Variants in THSD4 observed in about 807,000 individuals in gnomAD.
The protein encoded by THSD4 is thrombospondin type-1 domain-containing protein 4.
A neutral mutation model predicts 119.0 loss-of-function variants in THSD4; 69 were observed. The observed-to-expected ratio is 0.58, with a 90% CI of 0.48 to 0.71. The LOEUF (loss-of-function observed/expected upper bound fraction) is 0.71. Ranked by LOEUF, THSD4 falls within the 30% of genes least tolerant of loss-of-function variation. The probability of loss-of-function intolerance (pLI) is 0.00; values close to 1 mark genes in which losing one functional copy is unlikely to be tolerated. For synonymous variants in THSD4, 524 were observed against 540.4 expected (o/e 0.97, Z 0.42); for missense variants, 1,393 against 1,391.1 (o/e 1.00, Z -0.02).
chr15:71,248,544 T>G (rs947626749), intron 5 of THSD4, among the ~76,000 whole-genome samples: 1 of 152,042 alleles, frequency 6.6e-6, no homozygotes, highest in Non-Finnish European at 1.5e-5. Context: ...TTAGACAGAG[T>G]GCACTTAACA....
intron 6 of THSD4, among the ~76,000 whole-genome samples, chr15:71,259,934 A>G (rs994249678): frequency 1.3e-5 from 2 of 152,194 alleles, no homozygotes. Context: ...GCTGTGGATA[A>G]TAGCTGCTTT....
intron 8 of THSD4, among the ~76,000 whole-genome samples, chr15:71,709,953 A>G (rs1351298450): frequency 2.6e-5 from 4 of 152,200 alleles, no homozygotes; most frequent in Non-Finnish European, 4.4e-5. Context: ...AGGACTAGTC[A>G]AGACGGGGTG....
At chr15:71,301,855 A>G (rs2140338392) in intron 6 of THSD4, among the ~76,000 whole-genome samples, 1 of 152,260 alleles carries the variant, frequency 6.6e-6, no homozygotes, top group Admixed American at 6.5e-5. Flanking sequence ...TAGGGAGCAG[A>G]GGAAGCATCA....
At chr15:71,629,260 GACAACT>G (rs2050570030) in intron 7 of THSD4, among the ~76,000 whole-genome samples, 2 of 152,152 alleles carry the variant, frequency 1.3e-5, no homozygotes, top group Non-Finnish European at 1.5e-5. Flanking sequence ...GCTGAAGCTG[GACAACT>G]GACAGCCTTC....
At chr15:71,347,857 G>C (rs1357449505) in intron 6 of THSD4, among the ~76,000 whole-genome samples, 1 of 152,106 alleles carries the variant, frequency 6.6e-6, no homozygotes, top group African/African-American at 2.4e-5. Context: ...TAATTTTTCA[G>C]TGTTCAGATG....
intron 7 of THSD4, among the ~76,000 whole-genome samples, chr15:71,543,864 C>T (rs1001673152): frequency 6.6e-6 from 1 of 152,024 alleles, no homozygotes; most frequent in Non-Finnish European, 1.5e-5. Context: ...CCTGTCTCTA[C>T]TAAAAAATAC....
chr15:71,432,599 G>T (rs780031956), intron 7 of THSD4, among the ~76,000 whole-genome samples: 4 of 146,106 alleles, frequency 2.7e-5, no homozygotes, highest in African/African-American at 1.0e-4. Flanking sequence ...AATCTTGCTT[G>T]CAAGAGACAA....
chr15:71,126,994 A>G (rs983106934), intron 1 of THSD4, among the ~76,000 whole-genome samples: 3 of 152,202 alleles, frequency 2.0e-5, no homozygotes, highest in Non-Finnish European at 1.5e-5. Context: ...ACTGCTATTA[A>G]CTATTTTCAC....
intron 7 of THSD4, among the ~76,000 whole-genome samples, chr15:71,438,955 A>G (rs2047052440): frequency 2.0e-5 from 3 of 152,226 alleles, no homozygotes; most frequent in African/African-American, 7.2e-5. Context: ...TTGGAGCAGA[A>G]TGGCAGGAGT....
intron 7 of THSD4, among the ~76,000 whole-genome samples, chr15:71,519,508 C>T (rs1373365856): frequency 6.6e-6 from 1 of 152,034 alleles, no homozygotes; most frequent in Non-Finnish European, 1.5e-5. Flanking sequence ...ATTACAGGTG[C>T]CCACCACCAC....
intron 5 of THSD4, among the ~76,000 whole-genome samples, chr15:71,251,920 C>T (rs1451474332): frequency 1.3e-5 from 2 of 152,166 alleles, no homozygotes; most frequent in Non-Finnish European, 2.9e-5. Flanking sequence ...TTGGATAGGG[C>T]TCATATTGCT....
At chr15:71,148,512 T>G (rs559332116) in intron 2 of THSD4, among the ~76,000 whole-genome samples, 4 of 139,564 alleles carry the variant, frequency 2.9e-5, no homozygotes. Flanking sequence ...ATAAATAGAA[T>G]GCATTTTTTT....
At chr15:71,102,841 C>T (rs1399524366) in intron 1 of THSD4, among the ~76,000 whole-genome samples, 1 of 152,212 alleles carries the variant, frequency 6.6e-6, no homozygotes, top group Non-Finnish European at 1.5e-5. Flanking sequence ...GCTGGGATTA[C>T]AGGTGTGAGC....
At chr15:71,724,387 G>A (rs578052550) in intron 8 of THSD4, among the ~76,000 whole-genome samples, 3 of 150,310 alleles carry the variant, frequency 2.0e-5, no homozygotes, top group South Asian at 2.1e-4. Flanking sequence ...CTGGGTTCAC[G>A]CCATTCTCCT....
intron 6 of THSD4, among the ~76,000 whole-genome samples, chr15:71,323,804 A>G (rs2045305665): frequency 6.6e-6 from 1 of 152,246 alleles, no homozygotes; most frequent in Non-Finnish European, 1.5e-5. Flanking sequence ...TAGAGAATGC[A>G]GATAAGCAAG....
chr15:71,606,117 A>G (rs1223512185), intron 7 of THSD4, among the ~76,000 whole-genome samples: 1 of 152,248 alleles, frequency 6.6e-6, no homozygotes, highest in Non-Finnish European at 1.5e-5. Context: ...AAATGTCTTC[A>G]TGTAGTGAGG....
chr15:71,372,214 A>G (rs1366855963), intron 6 of THSD4, among the ~76,000 whole-genome samples: 1 of 152,092 alleles, frequency 6.6e-6, no homozygotes, highest in Non-Finnish European at 1.5e-5. Context: ...CTTCTTTGTA[A>G]TGGGTTCGAA....
At chr15:71,410,917 A>G (rs977007085) in intron 6 of THSD4, among the ~76,000 whole-genome samples, 19 of 152,116 alleles carry the variant, frequency 1.2e-4, no homozygotes. Context: ...CTGTGTTGGC[A>G]GTTACCTGTA....
rs1332095922 is a variant in THSD4, at chr15:71,295,735, TAGTA to T, written c.1015+39024_1015+39027del. Among the ~76,000 whole-genome samples the T allele has an allele frequency of 2.0e-5, 3 of 152,172 alleles. No individual in the cohort carries two copies. In the East Asian group the frequency reaches 5.8e-4, roughly 29 times the overall value. ...GTCACATTTTACAATCAATGAGTTT[TAGTA>T]AGTTTACCAAGTTGTGCAACTATCA... On this transcript the variant is annotated intron_variant, in intron 6 of 17. Transcript: ENST00000261862.
Sources: gnomAD v4.1 joint callset for allele counts (sites outside exome capture counted in the v4.1 genomes callset) on GRCh38, gnomAD v4.1.1 for gene constraint, MANE v1.5 for transcripts, NCBI Gene and HGNC (gene_info 2026-07-23, HGNC 2026-07-21) for gene names.